The following CNNM2 variants were observed in gnomAD, a reference collection of about 807,000 sequenced individuals.
CNNM2 encodes the protein metal transporter CNNM2.
CNNM2 carries 12 observed loss-of-function variants against 66.9 expected under a neutral mutation model. The observed-to-expected ratio is 0.18, with a 90% CI of 0.11 to 0.29. CNNM2 has a LOEUF of 0.29. Among genes scored for constraint, CNNM2 ranks in the 10% least tolerant of loss-of-function variants. CNNM2 has a pLI of 1.00. For synonymous variants in CNNM2, 557 were observed against 501.8 expected (o/e 1.11, Z -1.47); for missense variants, 705 against 1,167.7 (o/e 0.60, Z 5.77).
chr10:103,054,291 C>A lies in CNNM2; in HGVS notation c.1766-38C>A. 1 of 1,604,208 alleles carries A rather than the reference C, an allele frequency of 6.2e-7. No homozygotes were observed. Among genetic ancestry groups the A allele is most frequent in the Non-Finnish European group, 8.5e-7 (1 of 1,174,906 alleles). ...AAAAGAGCCCTCATCTCATGGGATG[C>A]ATTTCTTTTTTTTTCTCTCTTTTAA... On this transcript the variant is annotated intron_variant, in intron 2 of 7. Coordinates refer to ENST00000369878, the MANE Select transcript of CNNM2 (RefSeq NM_017649.5). This position sits in a 1 kb window ranked among gnomAD's most constrained non-coding sequence, Gnocchi z 5.2.
At chr10:103,063,753 A>G (rs1158860526) in intron 4 of CNNM2, among the ~76,000 whole-genome samples, 1 of 152,106 alleles carries the variant, frequency 6.6e-6, no homozygotes, top group Non-Finnish European at 1.5e-5. Flanking sequence ...AATTCTTGGA[A>G]TTCATCATGT....
At chr10:102,927,473 C>T in intron 1 of CNNM2, 1 of 1,596,950 alleles carries the variant, frequency 6.3e-7, no homozygotes, top group Non-Finnish European at 8.5e-7. Context: ...AAAGGGGTGG[C>T]AGTTGGCTGG....
At chr10:103,062,120 C>T (rs1564866619) in intron 4 of CNNM2, among the ~76,000 whole-genome samples, 1 of 152,198 alleles carries the variant, frequency 6.6e-6, no homozygotes, top group Non-Finnish European at 1.5e-5. Context: ...TCACGTCTAG[C>T]TAATCAAAGT....
At chr10:102,937,285 GC>G (rs1564812289) in intron 1 of CNNM2, among the ~76,000 whole-genome samples, 1 of 151,952 alleles carries the variant, frequency 6.6e-6, no homozygotes, top group Admixed American at 6.6e-5. Context: ...GGTGGCATGT[GC>G]CCCATGATCC....
intron 1 of CNNM2, among the ~76,000 whole-genome samples, chr10:102,956,622 A>G (rs1847047674): frequency 6.6e-6 from 1 of 152,206 alleles, no homozygotes; most frequent in African/African-American, 2.4e-5. Flanking sequence ...CATATACACC[A>G]TCGAATACTG....
At position 102,990,039 on chromosome 10, in the gene CNNM2, G is replaced by A. The variant is rs972010145; in HGVS notation, c.1622-59668G>A. ...GTCTCACTGCAACCTCTCCCTCCCC[G>A]GTTCAAGCGATTCTCATGCCTCAGC... On this transcript the variant is annotated intron_variant, in intron 1 of 7. Transcript: ENST00000369878. Among the ~76,000 whole-genome samples the A allele has an allele frequency of 5.3e-5, 8 of 150,624 alleles. No homozygotes were observed. The East Asian group carries it at 7.9e-4, about 15-fold the overall frequency.
chr10:103,032,800 G>C (rs757367322), intron 1 of CNNM2, among the ~76,000 whole-genome samples: 1 of 151,584 alleles, frequency 6.6e-6, no homozygotes, highest in Non-Finnish European at 1.5e-5. Flanking sequence ...TGGATGTTTA[G>C]GTGGTGACTT....
At chr10:102,957,717 G>C (rs1847098239) in intron 1 of CNNM2, among the ~76,000 whole-genome samples, 1 of 152,142 alleles carries the variant, frequency 6.6e-6, no homozygotes, top group African/African-American at 2.4e-5. Context: ...ATCTTTTTAA[G>C]ACATTGACTG....
chr10:102,989,487 TAAA>T (rs145634520), intron 1 of CNNM2, among the ~76,000 whole-genome samples: 1 of 149,790 alleles, frequency 6.7e-6, no homozygotes, highest in Admixed American at 6.7e-5. Context: ...AAAGTGAGTT[TAAA>T]AAAAAAATGG....
At chr10:103,003,070 C>A in intron 1 of CNNM2, among the ~76,000 whole-genome samples, 1 of 150,688 alleles carries the variant, frequency 6.6e-6, no homozygotes, top group East Asian at 1.9e-4. Context: ...ATTATTCAGC[C>A]ATAAAAAGGA....
In CNNM2 at chr10:103,088,246, TAAAG is replaced by T. The variant is rs899415109; in HGVS notation, c.*11072_*11075del. 7 of 152,222 alleles carry T rather than the reference TAAAG, an allele frequency of 4.6e-5. No individual in the cohort carries two copies. The highest frequency in any genetic ancestry group is 9.6e-5 in the African/African-American group (4 of 41,454). 9.4% of individuals were successfully genotyped at this position (152,222 alleles called of 1,614,324 possible). ...AGAATGGAAGAAAATATACAATGGT[TAAAG>T]AAAGAGTCTATAACCACTGTTTGTT... On this transcript the variant is annotated 3_prime_UTR_variant, in exon 8 of 8. Coordinates refer to ENST00000369878, the MANE Select transcript of CNNM2 (RefSeq NM_017649.5).
At chr10:102,972,207 A>AT (rs1306470673) in intron 1 of CNNM2, among the ~76,000 whole-genome samples, 6 of 152,348 alleles carry the variant, frequency 3.9e-5, no homozygotes, top group African/African-American at 1.4e-4. Flanking sequence ...ATTCCTAATC[A>AT]TGACTGCATC....
At chr10:103,068,831 T>C (rs1246683289) in intron 5 of CNNM2, 109 bp downstream of exon 5, 1 of 822,588 alleles carries the variant, frequency 1.2e-6, no homozygotes, top group African/African-American at 1.7e-5. Flanking sequence ...TCACTTCCTT[T>C]TTGAACTTTT....
At chr10:102,998,410 A>G (rs1413391836) in intron 1 of CNNM2, among the ~76,000 whole-genome samples, 4 of 152,202 alleles carry the variant, frequency 2.6e-5, no homozygotes, top group Admixed American at 2.0e-4. Flanking sequence ...ATGCAGCTCA[A>G]ATGTATTCTA....
intron 1 of CNNM2, among the ~76,000 whole-genome samples, chr10:102,968,957 A>G (rs1000585653): frequency 2.4e-3 from 308 of 127,134 alleles, no homozygotes; most frequent in African/African-American, 8.2e-3. Context: ...TCTGTCACCC[A>G]GGCTAGAATG....
intron 1 of CNNM2, among the ~76,000 whole-genome samples, chr10:102,994,679 T>C (rs2063956534): frequency 6.6e-6 from 1 of 152,266 alleles, no homozygotes; most frequent in South Asian, 2.1e-4. Flanking sequence ...TCCAGAATCA[T>C]GCTCATCTGC....
At chr10:103,041,578 A>G (rs1590445408) in intron 1 of CNNM2, among the ~76,000 whole-genome samples, 1 of 152,278 alleles carries the variant, frequency 6.6e-6, no homozygotes, top group East Asian at 1.9e-4. Context: ...GGGAAAGCAC[A>G]CTAGCCAGAC....
intron 1 of CNNM2, among the ~76,000 whole-genome samples, chr10:102,999,426 TAAG>T (rs879521448): frequency 1.3e-4 from 20 of 151,942 alleles, no homozygotes; most frequent in Non-Finnish European, 2.1e-4. Context: ...ATAATGAAAT[TAAG>T]AAAAGAGTTT....
At chr10:102,955,461 T>A (rs1846999037) in intron 1 of CNNM2, among the ~76,000 whole-genome samples, 1 of 152,174 alleles carries the variant, frequency 6.6e-6, no homozygotes, top group South Asian at 2.1e-4. Context: ...GATATAGGCA[T>A]GGGCAAGAAC....
Sources: gnomAD v4.1 joint callset for allele counts (sites outside exome capture counted in the v4.1 genomes callset) on GRCh38, gnomAD v4.1.1 for gene constraint, Gnocchi (gnomAD v3.1) non-coding constraint, MANE v1.5 for transcripts, NCBI Gene and HGNC (gene_info 2026-07-23, HGNC 2026-07-21) for gene names.